The following OR1J2 variants were observed in gnomAD, a reference collection of about 807,000 sequenced individuals.
The protein encoded by OR1J2 is olfactory receptor 1J2.
For synonymous variants in OR1J2, 142 were observed against 99.7 expected, an observed-to-expected ratio of 1.42 and a Z score of -2.52; for missense variants, 304 against 246.1, an observed-to-expected ratio of 1.24 and a Z score of -1.57.
the OR1J2 span, among the ~76,000 whole-genome samples, chr9:122,558,015 T>G: frequency 6.6e-6 from 1 of 151,986 alleles, no homozygotes; most frequent in African/African-American, 2.4e-5. Flanking sequence ...ATGGTATTCC[T>G]TTATTATCCT....
chr9:122,566,927 C>T, the OR1J2 span, among the ~76,000 whole-genome samples: 1 of 151,846 alleles, frequency 6.6e-6, no homozygotes, highest in Non-Finnish European at 1.5e-5. Flanking sequence ...TGACCATTAG[C>T]ATTTTTAAAT....
At chr9:122,516,654 A>C (rs1203228079), downstream of OR1J2, among the ~76,000 whole-genome samples, 2 of 152,168 alleles carry the variant, frequency 1.3e-5, no homozygotes, top group Non-Finnish European at 2.9e-5. Context: ...GCATGGCTGA[A>C]TTGGATTCAG....
At chr9:122,475,436 A>G in the OR1J2 span, among the ~76,000 whole-genome samples, 4 of 152,254 alleles carry the variant, frequency 2.6e-5, no homozygotes, top group East Asian at 5.8e-4. Context: ...AAGTGGTTCT[A>G]TTGAAGCTTC....
the OR1J2 span, among the ~76,000 whole-genome samples, chr9:122,490,794 G>A: frequency 6.6e-6 from 1 of 152,290 alleles, no homozygotes; most frequent in East Asian, 1.9e-4. Flanking sequence ...CCATATTGAA[G>A]AATTTGCATA....
At chr9:122,467,186 C>T in the OR1J2 span, among the ~76,000 whole-genome samples, 3 of 152,116 alleles carry the variant, frequency 2.0e-5, no homozygotes, top group African/African-American at 7.2e-5. Flanking sequence ...CTTAATCCCC[C>T]TAGCCTCAGT....
At chr9:122,496,760 A>AT in the OR1J2 span, among the ~76,000 whole-genome samples, 1 of 152,224 alleles carries the variant, frequency 6.6e-6, no homozygotes, top group South Asian at 2.1e-4. Context: ...AAATGGTTGC[A>AT]TTTTTTGAGT....
chr9:122,518,308 T>C, the OR1J2 span, among the ~76,000 whole-genome samples: 1 of 152,244 alleles, frequency 6.6e-6, no homozygotes, highest in African/African-American at 2.4e-5. Context: ...TCTTAGTCGG[T>C]TGGGCTGCTA....
chr9:122,459,696 T>C, the OR1J2 span, among the ~76,000 whole-genome samples: 5 of 152,188 alleles, frequency 3.3e-5, no homozygotes, highest in African/African-American at 1.2e-4. Flanking sequence ...GTCAGTACTC[T>C]TTAAAAAAAT....
At chr9:122,526,384 T>A in the OR1J2 span, 7 of 1,506,856 alleles carry the variant, frequency 4.6e-6, no homozygotes, top group Non-Finnish European at 6.2e-6. Flanking sequence ...CTCCTGTGAC[T>A]GAAGAGCCTC....
the OR1J2 span, among the ~76,000 whole-genome samples, chr9:122,463,640 C>T: frequency 6.6e-6 from 1 of 152,170 alleles, no homozygotes; most frequent in Admixed American, 6.5e-5. Flanking sequence ...GGTGCTCTCT[C>T]CTTTCCCCCT....
chr9:122,450,120 T>C, the OR1J2 span, among the ~76,000 whole-genome samples: 1 of 152,158 alleles, frequency 6.6e-6, no homozygotes, highest in Non-Finnish European at 1.5e-5. Flanking sequence ...TAACATTTCA[T>C]CTACTTATCA....
At chr9:122,478,026 C>A in the OR1J2 span, 2 of 803,354 alleles carry the variant, frequency 2.5e-6, no homozygotes, top group South Asian at 2.2e-5. Flanking sequence ...TAGAGATGTT[C>A]TTTTGACTTA....
the OR1J2 span, among the ~76,000 whole-genome samples, chr9:122,523,007 T>A: frequency 6.6e-6 from 1 of 152,248 alleles, no homozygotes; most frequent in Non-Finnish European, 1.5e-5. Context: ...ACTATCTATA[T>A]TTTACAGCTG....
the OR1J2 span, among the ~76,000 whole-genome samples, chr9:122,572,578 G>GT: frequency 7.6e-6 from 1 of 131,480 alleles, no homozygotes; most frequent in African/African-American, 3.0e-5. Context: ...TTTTGGGTTT[G>GT]GTTTTTTTTT....
chr9:122,508,297 G>T (rs1312955407), upstream of OR1J2, among the ~76,000 whole-genome samples: 1 of 152,074 alleles, frequency 6.6e-6, no homozygotes, highest in Non-Finnish European at 1.5e-5. Context: ...ACCTCAATAT[G>T]TATGTTAGGG....
the OR1J2 span, among the ~76,000 whole-genome samples, chr9:122,483,579 G>T: frequency 6.6e-6 from 1 of 152,132 alleles, no homozygotes; most frequent in African/African-American, 2.4e-5. Context: ...ACAAAAACAA[G>T]TATAAAAAGT....
the OR1J2 span, among the ~76,000 whole-genome samples, chr9:122,466,900 C>T: frequency 1.2e-4 from 18 of 152,150 alleles, no homozygotes; most frequent in African/African-American, 4.1e-4. Context: ...CACACAGCAA[C>T]CTCTGCCTCC....
the OR1J2 span, among the ~76,000 whole-genome samples, chr9:122,448,082 G>A: frequency 1.3e-5 from 2 of 152,244 alleles, no homozygotes; most frequent in East Asian, 1.9e-4. Context: ...CACTGGCACC[G>A]GTCTCTGAGT....
the OR1J2 span, among the ~76,000 whole-genome samples, chr9:122,483,815 G>A: frequency 1.8e-4 from 27 of 152,248 alleles, no homozygotes; most frequent in African/African-American, 6.5e-4. Flanking sequence ...AGTAATTAAG[G>A]TATTTCTCTA....
Sources: allele counts gnomAD v4.1 joint callset (sites outside exome capture counted in the v4.1 genomes callset), GRCh38; gene constraint gnomAD v4.1.1; transcripts MANE v1.5; gene names NCBI Gene and HGNC (gene_info 2026-07-23, HGNC 2026-07-21).